CABCOCO1: variants seen among roughly 807,000 people sequenced by gnomAD.
CABCOCO1 encodes ciliary associated calcium binding coiled-coil 1.
Under a neutral mutation model 35.7 loss-of-function variants are expected in CABCOCO1, and 28 were observed. The observed-to-expected ratio is 0.78, with a 90% CI of 0.58 to 1.07. The LOEUF is 1.07. CABCOCO1 is among the 50% of genes least tolerant of loss of function. CABCOCO1 has a pLI of 0.00. For missense variants in CABCOCO1, 326 were observed against 309.2 expected (o/e 1.05, Z -0.41); for synonymous variants, 95 against 100.1 (o/e 0.95, Z 0.30).
At chr10:61,747,744 T>C (rs1021874223) in intron 5 of CABCOCO1, among the ~76,000 whole-genome samples, 26 of 152,146 alleles carry the variant, frequency 1.7e-4, no homozygotes, top group African/African-American at 5.6e-4. Flanking sequence ...GAATGTGCTG[T>C]TTTCTGATTT....
chr10:61,713,371 G>C (rs990146237), intron 5 of CABCOCO1, among the ~76,000 whole-genome samples: 4 of 152,198 alleles, frequency 2.6e-5, no homozygotes, highest in Non-Finnish European at 5.9e-5. Context: ...TGTATCCTGA[G>C]ACTTTGCTGA....
At chr10:61,680,895 G>C (rs1376718066) in intron 2 of CABCOCO1, among the ~76,000 whole-genome samples, 1 of 150,542 alleles carries the variant, frequency 6.6e-6, no homozygotes, top group Non-Finnish European at 1.5e-5. Flanking sequence ...GAAGGGGAGA[G>C]AAGGAGGAGA....
intron 5 of CABCOCO1, among the ~76,000 whole-genome samples, chr10:61,751,877 T>C (rs574617226): frequency 6.6e-6 from 1 of 152,306 alleles, no homozygotes; most frequent in East Asian, 1.9e-4. Flanking sequence ...GAAAAAAATC[T>C]ACATTTTTAG....
At chr10:61,755,952 G>A (rs1841889017) in intron 5 of CABCOCO1, among the ~76,000 whole-genome samples, 1 of 152,010 alleles carries the variant, frequency 6.6e-6, no homozygotes, top group South Asian at 2.1e-4. Context: ...TCTGTACTTT[G>A]TTCCAAGAGA....
intron 2 of CABCOCO1, among the ~76,000 whole-genome samples, 182 bp from the exon 3 acceptor site, chr10:61,680,961 C>G (rs1839773041): frequency 6.6e-6 from 1 of 151,194 alleles, no homozygotes; most frequent in Admixed American, 6.6e-5. Context: ...TTTGCTCCCC[C>G]ATCCTCGTTC....
intron 5 of CABCOCO1, among the ~76,000 whole-genome samples, chr10:61,736,903 C>T (rs1841429240): frequency 6.6e-6 from 1 of 151,888 alleles, no homozygotes; most frequent in Non-Finnish European, 1.5e-5. Flanking sequence ...TTTTTTGTGG[C>T]TGTTGTGAAT....
chr10:61,677,844 C>T, intron 2 of CABCOCO1, among the ~76,000 whole-genome samples: 1 of 98,888 alleles, frequency 1.0e-5, no homozygotes. Context: ...TTTGTCCTTG[C>T]AGCTTGTCTT....
intron 5 of CABCOCO1, among the ~76,000 whole-genome samples, chr10:61,694,616 A>C (rs1368538300): frequency 5.9e-5 from 9 of 152,044 alleles, no homozygotes; most frequent in African/African-American, 1.9e-4. Context: ...AACTAGAAAA[A>C]TTGGACAAGA....
At position 61,682,345 on chromosome 10, in the gene CABCOCO1, A is replaced by G. The variant is rs543518871; in HGVS notation, c.334+1033A>G. Among the ~76,000 whole-genome samples the G allele has an allele frequency of 9.1e-4, 139 of 152,324 alleles. 1 individual carries two copies. Among genetic ancestry groups the G allele is most frequent in the Non-Finnish European group, 1.5e-3 (103 of 68,032 alleles). On this transcript the variant is annotated intron_variant, in intron 3 of 7. Coordinates refer to ENST00000648843, the MANE Select transcript of CABCOCO1 (RefSeq NM_001366906.2). ...AAGGAATCTAGTTTTTCCTCCTGGC[A>G]GAAAAAATTTTTTTTAAAAATCCCT...
chr10:61,760,211 C>T, intron 6 of CABCOCO1, 30 bp downstream of exon 6: 1 of 1,602,158 alleles, frequency 6.2e-7, no homozygotes, highest in Non-Finnish European at 8.5e-7. Context: ...TCCATTCACC[C>T]TACCTCATCA....
At chr10:61,697,881 C>A (rs1194067897) in intron 5 of CABCOCO1, among the ~76,000 whole-genome samples, 2 of 152,142 alleles carry the variant, frequency 1.3e-5, no homozygotes, top group Middle Eastern at 3.4e-3. Flanking sequence ...AAGTGCTTTA[C>A]AAGTGTGTTG....
intron 5 of CABCOCO1, among the ~76,000 whole-genome samples, chr10:61,708,068 T>C (rs1432199240): frequency 6.6e-6 from 1 of 151,948 alleles, no homozygotes; most frequent in Non-Finnish European, 1.5e-5. Flanking sequence ...TAAGTTTGCC[T>C]TGGGCATTCC....
intron 5 of CABCOCO1, among the ~76,000 whole-genome samples, chr10:61,704,647 C>G (rs985527968): frequency 2.0e-5 from 3 of 152,208 alleles, no homozygotes; most frequent in Non-Finnish European, 2.9e-5. Flanking sequence ...CCCTGACCCA[C>G]AGAATTGTGT....
intron 5 of CABCOCO1, among the ~76,000 whole-genome samples, chr10:61,732,036 T>C (rs1841315895): frequency 6.6e-6 from 1 of 152,098 alleles, no homozygotes; most frequent in South Asian, 2.1e-4. Context: ...TTTGAATATA[T>C]ATGGTTCTAT....
At chr10:61,670,441 A>C (rs949640824) in intron 1 of CABCOCO1, among the ~76,000 whole-genome samples, 1 of 152,172 alleles carries the variant, frequency 6.6e-6, no homozygotes, top group African/African-American at 2.4e-5. Context: ...AAAAGTGGTT[A>C]ATAATGTAGC....
intron 5 of CABCOCO1, among the ~76,000 whole-genome samples, chr10:61,720,365 T>C (rs1195317737): frequency 6.6e-6 from 1 of 152,138 alleles, no homozygotes; most frequent in African/African-American, 2.4e-5. Context: ...GTCAACAGGA[T>C]TTTGGAAGAA....
At chr10:61,734,222 C>A (rs1171078304) in intron 5 of CABCOCO1, among the ~76,000 whole-genome samples, 1 of 152,054 alleles carries the variant, frequency 6.6e-6, no homozygotes, top group African/African-American at 2.4e-5. Flanking sequence ...GTGGCACGTG[C>A]ACACTCATAT....
At chr10:61,671,857 T>C (rs1262346537) in intron 1 of CABCOCO1, among the ~76,000 whole-genome samples, 1 of 152,192 alleles carries the variant, frequency 6.6e-6, no homozygotes, top group South Asian at 2.1e-4. Flanking sequence ...GAAACAAACT[T>C]CTCAGACTAC....
intron 4 of CABCOCO1, among the ~76,000 whole-genome samples, chr10:61,690,120 A>G (rs1009579854): frequency 1.3e-5 from 2 of 152,168 alleles, no homozygotes; most frequent in Admixed American, 6.5e-5. Context: ...AGTAATTGAC[A>G]TAGAGGTAGA....
Sources: gnomAD v4.1 joint callset for allele counts (sites outside exome capture counted in the v4.1 genomes callset) on GRCh38, gnomAD v4.1.1 for gene constraint, MANE v1.5 for transcripts, NCBI Gene and HGNC (gene_info 2026-07-23, HGNC 2026-07-21) for gene names.